Variants in SPAG16 observed in about 807,000 individuals in gnomAD.
SPAG16 encodes the protein sperm associated antigen 16.
Under a neutral mutation model 80.4 loss-of-function variants are expected in SPAG16, and 86 were observed. The observed-to-expected ratio is 1.07, with a 90% CI of 0.90 to 1.28. SPAG16 has a LOEUF of 1.28. Ranked by LOEUF, SPAG16 falls within the 50% of genes most tolerant of loss-of-function variation. SPAG16 has a pLI of 0.00. For missense variants in SPAG16, 870 were observed against 765.3 expected (o/e 1.14, Z -1.61); for synonymous variants, 294 against 265.9 (o/e 1.11, Z -1.03).
chr2:213,601,476 C>T (rs568710230), intron 10 of SPAG16, among the ~76,000 whole-genome samples: 10 of 152,190 alleles, frequency 6.6e-5, no homozygotes, highest in African/African-American at 1.4e-4. Context: ...TAAGGTGAAA[C>T]GCTAGGGTGT....
intron 12 of SPAG16, among the ~76,000 whole-genome samples, chr2:213,986,891 CAAAAAAA>C (rs369965944): frequency 5.7e-3 from 329 of 57,648 alleles, no homozygotes; most frequent in South Asian, 0.037. Context: ...TCTGGTATAG[CAAAAAAA>C]AAAAAAAAAA....
chr2:214,355,311 A>C (rs1388121072), intron 15 of SPAG16, among the ~76,000 whole-genome samples: 1 of 43,892 alleles, frequency 2.3e-5, no homozygotes, highest in Non-Finnish European at 6.5e-5. Context: ...CGATGAACTC[A>C]AACAAATTTA....
intron 15 of SPAG16, among the ~76,000 whole-genome samples, chr2:214,374,981 G>A (rs538518660): frequency 6.6e-6 from 1 of 152,086 alleles, no homozygotes; most frequent in Non-Finnish European, 1.5e-5. Context: ...AGATCACCGT[G>A]CTTTCAGATA....
At chr2:213,984,846 G>T (rs560561128) in intron 12 of SPAG16, among the ~76,000 whole-genome samples, 1 of 152,160 alleles carries the variant, frequency 6.6e-6, no homozygotes, top group South Asian at 2.1e-4. Flanking sequence ...TTATGCCTCA[G>T]TGACGTTACT....
intron 10 of SPAG16, among the ~76,000 whole-genome samples, chr2:213,655,168 C>A (rs958061819): frequency 2.6e-5 from 4 of 152,172 alleles, no homozygotes; most frequent in Admixed American, 6.5e-5. Context: ...TCAATTGTAA[C>A]AAATGTACCA....
At chr2:214,144,239 A>G (rs574910503) in intron 14 of SPAG16, among the ~76,000 whole-genome samples, 3 of 152,176 alleles carry the variant, frequency 2.0e-5, no homozygotes, top group Non-Finnish European at 2.9e-5. Context: ...TGAATAATAT[A>G]TAACTGTTAT....
At chr2:213,502,579 A>G (rs996545149) in intron 10 of SPAG16, among the ~76,000 whole-genome samples, 8 of 152,278 alleles carry the variant, frequency 5.3e-5, no homozygotes, top group Non-Finnish European at 8.8e-5. Context: ...ATGAATTTCT[A>G]TTAAGAGATC....
chr2:214,362,882 A>G (rs60190376), intron 15 of SPAG16, among the ~76,000 whole-genome samples: 9,705 of 151,994 alleles, frequency 0.064, 1,019 homozygotes, highest in African/African-American at 0.22. Flanking sequence ...AACACAAGAT[A>G]GGAACCATTC....
chr2:214,163,201 C>T (rs1023196205), intron 15 of SPAG16, among the ~76,000 whole-genome samples: 4 of 151,098 alleles, frequency 2.6e-5, no homozygotes, highest in Non-Finnish European at 4.4e-5. Context: ...GATCTTTTTT[C>T]CCTTTGTCAA....
intron 10 of SPAG16, among the ~76,000 whole-genome samples, chr2:213,561,094 C>T (rs548277460): frequency 1.3e-5 from 2 of 152,312 alleles, no homozygotes; most frequent in East Asian, 3.9e-4. Context: ...GAACTCCTGA[C>T]CTCAAGTGAT....
intron 15 of SPAG16, among the ~76,000 whole-genome samples, chr2:214,327,182 A>C (rs1237030665): frequency 6.6e-6 from 1 of 152,218 alleles, no homozygotes; most frequent in Non-Finnish European, 1.5e-5. Flanking sequence ...TCACATTATA[A>C]TCAAACTGGA....
At chr2:214,067,134 A>G (rs1287360218) in intron 13 of SPAG16, among the ~76,000 whole-genome samples, 1 of 152,108 alleles carries the variant, frequency 6.6e-6, no homozygotes, top group African/African-American at 2.4e-5. Context: ...TCAGCTTTCT[A>G]TGTGAAGAAA....
intron 9 of SPAG16, among the ~76,000 whole-genome samples, chr2:213,424,899 G>T (rs996698093): frequency 6.6e-6 from 1 of 152,174 alleles, no homozygotes; most frequent in African/African-American, 2.4e-5. Context: ...CTTTGCCATG[G>T]CCTTTGGGGA....
chr2:214,375,928 T>C (rs1160089595), intron 15 of SPAG16, among the ~76,000 whole-genome samples: 1 of 152,116 alleles, frequency 6.6e-6, no homozygotes, highest in African/African-American at 2.4e-5. Flanking sequence ...GTTTTACAAT[T>C]GATAGTGTGT....
intron 15 of SPAG16, chr2:214,281,205 A>C (rs1458594904): frequency 6.1e-6 from 2 of 329,318 alleles, no homozygotes; most frequent in Non-Finnish European, 1.2e-5. Flanking sequence ...CCTTCACGCC[A>C]TATTTTGGCA....
At position 213,362,905 on chromosome 2, in the gene SPAG16, G is replaced by C. The variant is rs535152343; in HGVS notation, c.763-1171G>C. On this transcript the variant is annotated intron_variant, in intron 7 of 15. Transcript: ENST00000331683. The stretch of plus-strand genomic sequence containing the variant: ...TCCATGACCCAAACACTTCCCCCTA[G>C]GCCCCACCTCCAACACTGGGGATCA... Among the ~76,000 whole-genome samples, 3 of 152,184 alleles carry C rather than the reference G, an allele frequency of 2.0e-5. No homozygotes were observed. In the East Asian group the frequency reaches 5.8e-4, roughly 29 times the overall value.
intron 9 of SPAG16, among the ~76,000 whole-genome samples, chr2:213,400,966 C>T (rs1054300973): frequency 1.4e-4 from 21 of 152,254 alleles, no homozygotes; most frequent in African/African-American, 4.3e-4. Context: ...CACCACCACA[C>T]CTGGCTAATT....
intron 13 of SPAG16, among the ~76,000 whole-genome samples, chr2:214,091,691 C>T (rs972889652): frequency 1.3e-5 from 2 of 152,090 alleles, no homozygotes; most frequent in Non-Finnish European, 2.9e-5. Flanking sequence ...TGGATATTCT[C>T]TCTTGTTTTC....
chr2:214,123,769 G>A (rs540936250), intron 14 of SPAG16, among the ~76,000 whole-genome samples: 1 of 152,058 alleles, frequency 6.6e-6, no homozygotes, highest in South Asian at 2.1e-4. Flanking sequence ...AAGTTCTGAA[G>A]GAAGATAACT....
Sources: allele counts gnomAD v4.1 joint callset (sites outside exome capture counted in the v4.1 genomes callset), GRCh38; gene constraint gnomAD v4.1.1; transcripts MANE v1.5; gene names NCBI Gene and HGNC (gene_info 2026-07-23, HGNC 2026-07-21).